SMCO2: variants seen among roughly 807,000 people sequenced by gnomAD.
SMCO2 encodes single-pass membrane protein with coiled-coil domains 2.
SMCO2 carries 25 observed loss-of-function variants against 29.5 expected under a neutral mutation model. The observed-to-expected ratio is 0.85, with a 90% CI of 0.62 to 1.18. The LOEUF is 1.18. SMCO2 is among the 50% of genes most tolerant of loss of function. The pLI is 0.00. For missense variants in SMCO2, 348 were observed against 344.5 expected (o/e 1.01, Z -0.08); for synonymous variants, 117 against 123.3 (o/e 0.95, Z 0.34).
chr12:27,478,005 T>C (rs890123160), intron 4 of SMCO2, among the ~76,000 whole-genome samples: 1 of 152,208 alleles, frequency 6.6e-6, no homozygotes, highest in Non-Finnish European at 1.5e-5. Context: ...CATTGATATC[T>C]ATACATCTGG....
chr12:27,447,950 T>G, the SMCO2 span, among the ~76,000 whole-genome samples: 14 of 152,172 alleles, frequency 9.2e-5, no homozygotes, highest in Non-Finnish European at 1.8e-4. Context: ...TCCCTAGCAC[T>G]TAACACATTG....
chr12:27,464,692 G>A (rs1357291776), upstream of SMCO2, among the ~76,000 whole-genome samples: 1 of 144,542 alleles, frequency 6.9e-6, no homozygotes, highest in Non-Finnish European at 1.5e-5. Context: ...ACTCCAGCCT[G>A]GGCAACAGAA....
the SMCO2 span, among the ~76,000 whole-genome samples, chr12:27,446,112 C>G: frequency 1.3e-5 from 2 of 152,110 alleles, no homozygotes; most frequent in African/African-American, 4.8e-5. Context: ...CCATGTTGGC[C>G]AGGCTGGTCT....
At chr12:27,476,363 T>C (rs1379015448) in intron 4 of SMCO2, among the ~76,000 whole-genome samples, 3 of 152,220 alleles carry the variant, frequency 2.0e-5, no homozygotes, top group African/African-American at 7.2e-5. Flanking sequence ...TCTGTAAATG[T>C]CTGTTAGATC....
the SMCO2 span, among the ~76,000 whole-genome samples, chr12:27,436,546 GA>G: frequency 6.6e-6 from 1 of 152,094 alleles, no homozygotes; most frequent in Non-Finnish European, 1.5e-5. Context: ...AGGAAGAAAC[GA>G]AAAGAAGAAA....
chr12:27,452,504 C>T, the SMCO2 span, among the ~76,000 whole-genome samples: 2 of 152,092 alleles, frequency 1.3e-5, no homozygotes, highest in African/African-American at 4.8e-5. Flanking sequence ...TTTTTGTTCT[C>T]GTTGAAACAG....
At chr12:27,500,055 C>T (rs1013908732) in intron 7 of SMCO2, among the ~76,000 whole-genome samples, 1 of 150,452 alleles carries the variant, frequency 6.6e-6, no homozygotes, top group Non-Finnish European at 1.5e-5. Flanking sequence ...TTATTATTTA[C>T]CAAAGATGTC....
chr12:27,471,541 A>G (rs916767194), intron 2 of SMCO2, among the ~76,000 whole-genome samples: 1 of 152,160 alleles, frequency 6.6e-6, no homozygotes, highest in East Asian at 1.9e-4. Flanking sequence ...AAAGCATACG[A>G]GAGGGAACAT....
the SMCO2 span, among the ~76,000 whole-genome samples, chr12:27,449,207 G>A: frequency 0.029 from 4,368 of 152,270 alleles, 96 homozygotes; most frequent in Non-Finnish European, 0.046. Context: ...TAATGCTAGC[G>A]TTATTAGATA....
chr12:27,454,743 G>A, the SMCO2 span, among the ~76,000 whole-genome samples: 9,624 of 152,072 alleles, frequency 0.063, 353 homozygotes, highest in African/African-American at 0.088. Context: ...ACCCCACAAC[G>A]GGCCCCAGTG....
chr12:27,489,184 G>C (rs1377879386), intron 5 of SMCO2, among the ~76,000 whole-genome samples: 1 of 152,090 alleles, frequency 6.6e-6, no homozygotes, highest in African/African-American at 2.4e-5. Flanking sequence ...GAGTAGCTGG[G>C]ATTACGGGTG....
chr12:27,450,625 T>A, the SMCO2 span, among the ~76,000 whole-genome samples: 1 of 152,222 alleles, frequency 6.6e-6, no homozygotes, highest in Non-Finnish European at 1.5e-5. Context: ...GAGGGAGCAG[T>A]GCTGCCAATC....
At chr12:27,444,979 A>G in the SMCO2 span, among the ~76,000 whole-genome samples, 12 of 152,376 alleles carry the variant, frequency 7.9e-5, 1 homozygote, top group East Asian at 2.3e-3. Context: ...AATGTGATAT[A>G]TATATACACA....
At chr12:27,427,098 T>G in the SMCO2 span, among the ~76,000 whole-genome samples, 2 of 152,298 alleles carry the variant, frequency 1.3e-5, no homozygotes, top group Non-Finnish European at 2.9e-5. Flanking sequence ...TAGCTGCTAC[T>G]TTAAAGGGAT....
chr12:27,457,661 G>A, the SMCO2 span, among the ~76,000 whole-genome samples: 10 of 152,234 alleles, frequency 6.6e-5, no homozygotes, highest in Admixed American at 6.5e-4. Context: ...AGTCTTTGCA[G>A]CCAAAAGCAT....
the SMCO2 span, among the ~76,000 whole-genome samples, chr12:27,428,600 A>T: frequency 6.6e-6 from 1 of 150,564 alleles, no homozygotes; most frequent in South Asian, 2.1e-4. Context: ...GTCACTGTGG[A>T]GGACTCTGTC....
At chr12:27,484,717 G>C (rs1267635321) in intron 4 of SMCO2, among the ~76,000 whole-genome samples, 2 of 151,544 alleles carry the variant, frequency 1.3e-5, no homozygotes, top group Non-Finnish European at 2.9e-5. Context: ...GCTGGGTGTG[G>C]TAGCATGTGC....
At chr12:27,490,014 A>G (rs1000107868) in intron 5 of SMCO2, among the ~76,000 whole-genome samples, 1 of 152,238 alleles carries the variant, frequency 6.6e-6, no homozygotes, top group East Asian at 1.9e-4. Context: ...CATCACACAC[A>G]TATACGGAAA....
chr12:27,472,929 GAGA>G, intron 3 of SMCO2, 54 bp downstream of exon 3: 2 of 1,296,298 alleles, frequency 1.5e-6, no homozygotes, highest in South Asian at 2.6e-5. Flanking sequence ...GTAGGTTGAA[GAGA>G]AGAACTTCAC....
Sources: gnomAD v4.1 joint callset for allele counts (sites outside exome capture counted in the v4.1 genomes callset) on GRCh38, gnomAD v4.1.1 for gene constraint, MANE v1.5 for transcripts, NCBI Gene and HGNC (gene_info 2026-07-23, HGNC 2026-07-21) for gene names.